Variants in NXN observed in about 807,000 individuals in gnomAD.
The protein encoded by NXN is nucleoredoxin.
In NXN, 16 loss-of-function variants were observed where a neutral mutation model predicts 48.6. The observed-to-expected ratio is 0.33, with a 90% confidence interval of 0.22 to 0.50. NXN has a LOEUF of 0.50. Ranked by LOEUF, NXN falls within the 20% of genes least tolerant of loss-of-function variation. The pLI is 0.98. For synonymous variants in NXN, 281 were observed against 269.6 expected, an observed-to-expected ratio of 1.04 and a Z score of -0.41; for missense variants, 492 against 605.5, an observed-to-expected ratio of 0.81 and a Z score of 1.97.
intron 1 of NXN, among the ~76,000 whole-genome samples, chr17:923,008 CAG>C (rs1251301522): frequency 6.6e-6 from 1 of 152,058 alleles, no homozygotes; most frequent in Non-Finnish European, 1.5e-5. Context: ...GCTGGGAGCC[CAG>C]AGTCTTCATC....
At chr17:819,394 G>T in intron 5 of NXN, 45 bp downstream of exon 5, 1 of 1,378,360 alleles carries the variant, frequency 7.3e-7, no homozygotes. Context: ...GCTCAGGTGA[G>T]CAGGTTTCCA....
At chr17:881,936 C>T (rs1007835343) in intron 1 of NXN, among the ~76,000 whole-genome samples, 32 of 152,106 alleles carry the variant, frequency 2.1e-4, no homozygotes, top group Admixed American at 2.0e-3. Flanking sequence ...ACCAAAGCGA[C>T]GGATGGGAGG....
At chr17:880,914 T>C (rs1042341306) in intron 1 of NXN, among the ~76,000 whole-genome samples, 1 of 152,160 alleles carries the variant, frequency 6.6e-6, no homozygotes, top group African/African-American at 2.4e-5. Flanking sequence ...TCCCACAGCC[T>C]GGGCCAGGGC....
intron 1 of NXN, among the ~76,000 whole-genome samples, chr17:838,890 T>C (rs1913976676): frequency 6.6e-6 from 1 of 152,188 alleles, no homozygotes; most frequent in African/African-American, 2.4e-5. Context: ...CAGTGAAATC[T>C]TCAGTCGATA....
At chr17:806,278 C>G (rs533904406) in intron 5 of NXN, among the ~76,000 whole-genome samples, 4 of 97,322 alleles carry the variant, frequency 4.1e-5, no homozygotes, top group African/African-American at 7.9e-5. Context: ...CCAGCTCCCC[C>G]CTTCCCCAGG....
intron 5 of NXN, among the ~76,000 whole-genome samples, chr17:810,592 G>T (rs913788220): frequency 1.3e-5 from 2 of 152,072 alleles, no homozygotes; most frequent in Non-Finnish European, 2.9e-5. Flanking sequence ...CCCCTGCTTA[G>T]AGAGTTAAGG....
intron 1 of NXN, among the ~76,000 whole-genome samples, chr17:883,875 G>A (rs1346113151): frequency 6.6e-6 from 1 of 152,100 alleles, no homozygotes; most frequent in South Asian, 2.1e-4. Context: ...GGAGTTTAAG[G>A]CCAGCCTGAG....
intron 1 of NXN, among the ~76,000 whole-genome samples, chr17:860,807 T>C (rs1039981368): frequency 1.3e-5 from 2 of 152,256 alleles, no homozygotes; most frequent in African/African-American, 2.4e-5. Flanking sequence ...AGCAGAAACA[T>C]GTGACCCTAA....
At chr17:945,520 A>G (rs2069032903) in intron 1 of NXN, among the ~76,000 whole-genome samples, 1 of 150,640 alleles carries the variant, frequency 6.6e-6, no homozygotes, top group African/African-American at 2.4e-5. Context: ...AGTCCCACCT[A>G]CTTGGGAGGC....
intron 1 of NXN, among the ~76,000 whole-genome samples, chr17:834,681 G>A (rs976729785): frequency 1.1e-4 from 17 of 151,906 alleles, no homozygotes; most frequent in East Asian, 3.9e-4. Context: ...CACCACGCCC[G>A]ACCTAATTTT....
Position 830,638 on chromosome 17 carries a change from T to A in NXN, c.361-4560A>T, listed in dbSNP as rs1160250197. On this transcript the variant is annotated intron_variant, in intron 1 of 7. Transcript: ENST00000336868. The surrounding 1 kb of genome is among the most constrained non-coding windows in gnomAD (Gnocchi z 4.2). The stretch of plus-strand genomic sequence containing the variant: ...ATCATAAGATTTGTGAACCACATCG[T>A]CAAGGCCCCGTGGACGACAGCAAAA... 2.0e-5 allele frequency among the ~76,000 whole-genome samples: 3 copies of A among 152,136 alleles called. No homozygotes were observed. Among genetic ancestry groups the A allele is most frequent in the Non-Finnish European group, 2.9e-5 (2 of 68,020 alleles).
chr17:967,806 C>A (rs1268048737), intron 1 of NXN, among the ~76,000 whole-genome samples: 1 of 152,108 alleles, frequency 6.6e-6, no homozygotes, highest in Non-Finnish European at 1.5e-5. Context: ...CCCATCTCTA[C>A]TAAAAATACC....
chr17:841,564 CT>C (rs33927206), intron 1 of NXN, among the ~76,000 whole-genome samples: 1,105 of 48,138 alleles, frequency 0.023, 59 homozygotes, highest in Middle Eastern at 0.07. Flanking sequence ...CAGGTCCCCC[CT>C]GACCACGGAG....
rs890290401 is a variant in NXN at position 920,160 on chromosome 17, A to G, written c.360+59159T>C. Among the ~76,000 whole-genome samples the G allele has an allele frequency of 1.3e-5, 2 of 152,046 alleles. No homozygotes were observed. Among genetic ancestry groups the G allele is most frequent in the African/African-American group, 4.8e-5 (2 of 41,396 alleles). ...AGCGATCAGCCCATCTCAGCCGCCC[A>G]AAGTGCTGGGATGACAAGCACGAGC... On this transcript the variant is annotated intron_variant, in intron 1 of 7. Transcript: ENST00000336868. This position sits in a 1 kb window ranked among gnomAD's most constrained non-coding sequence, Gnocchi z 4.6.
chr17:914,385 G>A (rs975392511), intron 1 of NXN, among the ~76,000 whole-genome samples: 5 of 151,386 alleles, frequency 3.3e-5, no homozygotes, highest in Admixed American at 6.6e-5. Flanking sequence ...GGCCAGGCTG[G>A]TCTCAAACTC....
chr17:883,731 G>A (rs995346885), intron 1 of NXN, among the ~76,000 whole-genome samples: 2 of 152,216 alleles, frequency 1.3e-5, no homozygotes, highest in Non-Finnish European at 2.9e-5. Context: ...GGGTCATGGT[G>A]CCACATTTTG....
intron 1 of NXN, among the ~76,000 whole-genome samples, chr17:896,239 C>G (rs1314616757): frequency 6.6e-6 from 1 of 151,580 alleles, no homozygotes; most frequent in African/African-American, 2.4e-5. Flanking sequence ...ACTCGGGAGG[C>G]TGAGGCAGGA....
At chr17:871,922 T>C (rs768464473) in intron 1 of NXN, among the ~76,000 whole-genome samples, 1 of 151,692 alleles carries the variant, frequency 6.6e-6, no homozygotes, top group Non-Finnish European at 1.5e-5. Flanking sequence ...GGGTGAGGGA[T>C]TGGGGGAGGA....
chr17:828,041 G>C (rs149901980), intron 1 of NXN, among the ~76,000 whole-genome samples: 1 of 152,102 alleles, frequency 6.6e-6, no homozygotes, highest in African/African-American at 2.4e-5. Context: ...CCACCTTTCC[G>C]GGGGGCTTAC....
Sources: gnomAD v4.1 joint callset for allele counts (sites outside exome capture counted in the v4.1 genomes callset) on GRCh38, gnomAD v4.1.1 for gene constraint, Gnocchi (gnomAD v3.1) non-coding constraint, MANE v1.5 for transcripts, NCBI Gene and HGNC (gene_info 2026-07-23, HGNC 2026-07-21) for gene names.